PPFIBP2: variants seen among roughly 807,000 people sequenced by gnomAD.
PPFIBP2 encodes the protein PPFIB scaffold protein 2, also known as liprin-beta-2.
Under a neutral mutation model 118.3 loss-of-function variants are expected in PPFIBP2, and 118 were observed. The observed-to-expected ratio is 1.00, with a 90% confidence interval of 0.86 to 1.16. The LOEUF (loss-of-function observed/expected upper bound fraction) is 1.16, where lower values mean the gene tolerates loss of function less well. Ranked by LOEUF, PPFIBP2 falls within the 50% of genes most tolerant of loss-of-function variation. PPFIBP2 has a pLI of 0.00. For synonymous variants in PPFIBP2, 414 were observed against 397.4 expected, an observed-to-expected ratio of 1.04 and a Z score of -0.50; for missense variants, 1,195 against 1,073.1, an observed-to-expected ratio of 1.11 and a Z score of -1.59.
intron 4 of PPFIBP2, among the ~76,000 whole-genome samples, chr11:7,594,871 C>T (rs943793870): frequency 6.3e-5 from 9 of 143,328 alleles, no homozygotes; most frequent in Admixed American, 2.2e-4. Context: ...GAGCCAACAT[C>T]GCATCACTGT....
At position 7,653,427 on chromosome 11, in the gene PPFIBP2, C is replaced by A; in HGVS notation, c.*209C>A. The A allele has an allele frequency of 6.7e-7, 1 of 1,499,024 alleles. No homozygotes were observed. The highest frequency in any genetic ancestry group is 1.3e-5 in the South Asian group (1 of 77,392). The allele number at this position is 1,499,024 out of a possible 1,614,324, so 92.9% of individuals were successfully genotyped here. On this transcript the variant is annotated 3_prime_UTR_variant, in exon 24 of 24. Coordinates refer to ENST00000299492, the MANE Select transcript of PPFIBP2 (RefSeq NM_003621.5). ...AGGGGCCAGGCTTTGGGGACCATTG[C>A]CAAAGGTGGACTCAGGAGGAAAGAC...
chr11:7,581,472 A>G (rs1012210125), intron 3 of PPFIBP2, among the ~76,000 whole-genome samples: 2 of 152,322 alleles, frequency 1.3e-5, no homozygotes, highest in East Asian at 3.9e-4. Flanking sequence ...CAGGTTCTGC[A>G]GTAAAAAGTG....
chr11:7,653,780 A>G (rs1490129445), downstream of PPFIBP2: 5 of 1,189,328 alleles, frequency 4.2e-6, no homozygotes, highest in South Asian at 4.6e-5. Flanking sequence ...CATATCTTTA[A>G]CTTTGTTGGG....
intron 13 of PPFIBP2, among the ~76,000 whole-genome samples, chr11:7,635,242 G>GT (rs1851302503): frequency 6.6e-6 from 1 of 152,118 alleles, no homozygotes; most frequent in Non-Finnish European, 1.5e-5. Context: ...CAGCCTCCTT[G>GT]TTGATACAGT....
intron 3 of PPFIBP2, among the ~76,000 whole-genome samples, chr11:7,586,690 T>A (rs1187691630): frequency 6.6e-6 from 1 of 152,202 alleles, no homozygotes; most frequent in Non-Finnish European, 1.5e-5. Context: ...TTTGTCCTCT[T>A]TCTGCAGAGA....
At position 7,648,101 on chromosome 11, in the gene PPFIBP2, CA is replaced by C. The variant is rs1853385772; in HGVS notation, c.1647-285del. Reference sequence around the variant, plus strand: ...TATATGTGTGTATGCGGACCTAGGACATGTGAACATGATCTCAGGAGGGCCA... The same window carrying C: ...TATATGTGTGTATGCGGACCTAGGACTGTGAACATGATCTCAGGAGGGCCA... On this transcript the variant is annotated intron_variant, in intron 17 of 23. Transcript: ENST00000299492. 8.7e-6 allele frequency: 3 copies of C among 344,478 alleles called. No individual in the cohort carries two copies. The South Asian group carries it at 1.4e-4, about 16-fold the overall frequency. The allele number at this position is 344,478 out of a possible 1,614,324, so 21.3% of individuals were successfully genotyped here.
intron 15 of PPFIBP2, among the ~76,000 whole-genome samples, chr11:7,640,407 G>A (rs933078701): frequency 3.9e-5 from 6 of 152,154 alleles, no homozygotes; most frequent in Non-Finnish European, 8.8e-5. Context: ...GTATCCTTTC[G>A]GTGCGTAAGA....
rs149966113 is a variant in PPFIBP2, at chr11:7,566,116, C to T, written c.279+349C>T. Among the ~76,000 whole-genome samples the T allele has an allele frequency of 5.5e-3, 839 of 152,148 alleles. 8 individuals carry two copies. The highest frequency in any genetic ancestry group is 0.019 in the African/African-American group (796 of 41,504). On this transcript the variant is annotated intron_variant, in intron 3 of 23. Transcript: ENST00000299492. ...AATCCCTGGCTGGTGTCTCTACCCT[C>T]GGCTAGATCCCACTACCCCTTGTTT...
At position 7,628,151 on chromosome 11, in the gene PPFIBP2, C is replaced by G; in HGVS notation, c.827-134C>G. ...GGCCGATTCTGTAGCAGACACCATC[C>G]CGGCCTCTTTAAAGAACTAAAGGAG... On this transcript the variant is annotated intron_variant, in intron 8 of 23. Coordinates refer to ENST00000299492, the MANE Select transcript of PPFIBP2 (RefSeq NM_003621.5). 5.9e-6 allele frequency: 4 copies of G among 672,434 alleles called. No individual in the cohort carries two copies. The Admixed American group carries it at 1.2e-4, about 20-fold the overall frequency. The allele number at this position is 672,434 out of a possible 1,614,324, so 41.7% of individuals were successfully genotyped here.
chr11:7,543,937 A>G (rs1398706962), intron 1 of PPFIBP2, among the ~76,000 whole-genome samples: 2 of 152,194 alleles, frequency 1.3e-5, no homozygotes, highest in Non-Finnish European at 2.9e-5. Flanking sequence ...TGGCTGTGGC[A>G]TGTCATCATA....
At chr11:7,578,166 G>T (rs1046622819) in intron 3 of PPFIBP2, among the ~76,000 whole-genome samples, 1 of 152,234 alleles carries the variant, frequency 6.6e-6, no homozygotes, top group Non-Finnish European at 1.5e-5. Context: ...GTTGCAAGTT[G>T]TTCATGCCCT....
chr11:7,598,652 A>G (rs1469974381), intron 5 of PPFIBP2, among the ~76,000 whole-genome samples: 1 of 152,226 alleles, frequency 6.6e-6, no homozygotes, highest in Non-Finnish European at 1.5e-5. Context: ...GGTACTCACA[A>G]TTACTTAAAG....
At chr11:7,596,189 A>G (rs1313931074) in intron 4 of PPFIBP2, among the ~76,000 whole-genome samples, 1 of 152,184 alleles carries the variant, frequency 6.6e-6, no homozygotes, top group Non-Finnish European at 1.5e-5. Flanking sequence ...TAACCCTCAT[A>G]ATAAGATTAA....
At chr11:7,666,400 G>A in the PPFIBP2 span, 2 of 1,162,408 alleles carry the variant, frequency 1.7e-6, no homozygotes, top group Non-Finnish European at 2.6e-6. Flanking sequence ...TCCTCAAAGT[G>A]GTCAAGGGTT....
intron 5 of PPFIBP2, among the ~76,000 whole-genome samples, chr11:7,599,982 T>C (rs1039570770): frequency 3.3e-5 from 5 of 152,018 alleles, no homozygotes; most frequent in African/African-American, 1.2e-4. Context: ...TAAACCCTCT[T>C]TCCTGTGTGC....
chr11:7,620,332 C>T (rs774109677), intron 6 of PPFIBP2, among the ~76,000 whole-genome samples: 6 of 152,198 alleles, frequency 3.9e-5, no homozygotes, highest in Non-Finnish European at 8.8e-5. Context: ...ATCTCCCTTT[C>T]TGTCTCCTAT....
chr11:7,550,870 A>ATC (rs1051916947), intron 2 of PPFIBP2, among the ~76,000 whole-genome samples: 1 of 152,152 alleles, frequency 6.6e-6, no homozygotes, highest in African/African-American at 2.4e-5. Flanking sequence ...CCCAGCCTAC[A>ATC]TCCTTCTCCC....
At chr11:7,631,398 T>C (rs1850742990) in intron 11 of PPFIBP2, among the ~76,000 whole-genome samples, 1 of 152,210 alleles carries the variant, frequency 6.6e-6, no homozygotes, top group African/African-American at 2.4e-5. Flanking sequence ...CCCAGTAGAA[T>C]TCAACAAATA....
chr11:7,664,463 T>A, the PPFIBP2 span, among the ~76,000 whole-genome samples: 1 of 152,130 alleles, frequency 6.6e-6, no homozygotes, highest in East Asian at 1.9e-4. Flanking sequence ...TTAAGATGTT[T>A]AGCAGCATCC....
Sources: allele counts gnomAD v4.1 joint callset (sites outside exome capture counted in the v4.1 genomes callset), GRCh38; gene constraint gnomAD v4.1.1; transcripts MANE v1.5; gene names NCBI Gene and HGNC (gene_info 2026-07-23, HGNC 2026-07-21).